Variants in CDC73 observed in about 807,000 individuals in gnomAD.
CDC73 encodes cell division cycle 73, also known as parafibromin.
Under a neutral mutation model 83.7 loss-of-function variants are expected in CDC73, and 21 were observed. The ratio of observed to expected loss-of-function variants is 0.25; its 90% CI spans 0.18 to 0.36. The LOEUF (loss-of-function observed/expected upper bound fraction) is 0.36. CDC73 is among the 10% of genes least tolerant of loss of function. CDC73 has a pLI of 1.00. For missense variants in CDC73, 342 were observed against 653.3 expected (o/e 0.52, Z 5.19); for synonymous variants, 224 against 212.9 (o/e 1.05, Z -0.45).
At chr1:193,185,310 C>T (rs1471847331) in intron 10 of CDC73, among the ~76,000 whole-genome samples, 3 of 151,844 alleles carry the variant, frequency 2.0e-5, no homozygotes, top group African/African-American at 7.3e-5. Context: ...TATTGATGTC[C>T]CTTTGTTTAA....
At chr1:193,239,897 T>C (rs756955499) in intron 15 of CDC73, among the ~76,000 whole-genome samples, 2 of 152,200 alleles carry the variant, frequency 1.3e-5, no homozygotes, top group Non-Finnish European at 2.9e-5. Context: ...GTCCTGCACA[T>C]GTACCCCAGA....
At chr1:193,183,597 G>C (rs1676755829) in intron 10 of CDC73, among the ~76,000 whole-genome samples, 1 of 151,146 alleles carries the variant, frequency 6.6e-6, no homozygotes, top group Admixed American at 6.6e-5. Context: ...CTTTTAAATA[G>C]CTGGCCATTC....
At chr1:193,212,347 T>C (rs752118070) in intron 12 of CDC73, 43 bp from the exon 13 acceptor site, 3 of 1,178,622 alleles carry the variant, frequency 2.5e-6, no homozygotes, top group Non-Finnish European at 3.7e-6. Flanking sequence ...GTAAGTATAA[T>C]TTCTAATAAT....
intron 13 of CDC73, among the ~76,000 whole-genome samples, chr1:193,223,979 T>C (rs1481047704): frequency 6.6e-6 from 1 of 151,984 alleles, no homozygotes; most frequent in East Asian, 1.9e-4. Context: ...TATATTACCT[T>C]AAACATTTAT....
chr1:193,197,464 G>A (rs1280445330), intron 10 of CDC73, among the ~76,000 whole-genome samples: 1 of 152,130 alleles, frequency 6.6e-6, no homozygotes, highest in Non-Finnish European at 1.5e-5. Context: ...TATGCATATT[G>A]CAAGTAACTA....
rs949279879 is a variant in CDC73, at chr1:193,252,317, A to G, written c.*1605A>G. ...CATTAGGCTTTCTTAGCATATAAAT[A>G]TATTTCCAAAATAAATTACATGTTG... On this transcript the variant is annotated 3_prime_UTR_variant, in exon 17 of 17. Transcript: ENST00000367435. The G allele has an allele frequency of 2.2e-5, 5 of 230,240 alleles. No homozygotes were observed. The highest frequency in any genetic ancestry group is 1.7e-4 in the Admixed American group (3 of 17,672). The allele number at this position is 230,240 out of a possible 1,614,324, so 14.3% of individuals were successfully genotyped here.
At chr1:193,155,174 A>G (rs1472684276) in intron 10 of CDC73, among the ~76,000 whole-genome samples, 1 of 152,240 alleles carries the variant, frequency 6.6e-6, no homozygotes, top group Non-Finnish European at 1.5e-5. Flanking sequence ...ATGTTTTGAT[A>G]ATCACATTTC....
chr1:193,207,732 A>G (rs1019766643), intron 11 of CDC73, among the ~76,000 whole-genome samples: 3 of 152,130 alleles, frequency 2.0e-5, no homozygotes, highest in African/African-American at 7.2e-5. Context: ...TTCAAGGTGC[A>G]CTGATTTCAT....
chr1:193,157,003 G>GCAACAA (rs1676218859), intron 10 of CDC73, among the ~76,000 whole-genome samples: 1 of 152,142 alleles, frequency 6.6e-6, no homozygotes, highest in Admixed American at 6.5e-5. Flanking sequence ...GGTACGTTGT[G>GCAACAA]CAACAAGAGC....
At chr1:193,161,664 TATCTATCATATA>T (rs1676315640) in intron 10 of CDC73, among the ~76,000 whole-genome samples, 1 of 43,306 alleles carries the variant, frequency 2.3e-5, no homozygotes, top group Non-Finnish European at 4.2e-5. Context: ...ATATATTATA[TATCTATCATATA>T]ATATATATAA....
intron 3 of CDC73, among the ~76,000 whole-genome samples, chr1:193,131,892 T>A (rs1405664125): frequency 2.0e-5 from 3 of 152,212 alleles, no homozygotes; most frequent in African/African-American, 7.2e-5. Context: ...CATCCTGATT[T>A]ATTTTTCACC....
chr1:193,211,959 T>C (rs1293724952), intron 11 of CDC73, 106 bp from the exon 12 acceptor site: 3 of 815,812 alleles, frequency 3.7e-6, no homozygotes, highest in Non-Finnish European at 6.2e-6. Flanking sequence ...TTACAGTTAG[T>C]CATATGGGAA....
intron 11 of CDC73, 69 bp downstream of exon 11, chr1:193,203,921 G>A (rs111557425): frequency 2.2e-4 from 274 of 1,246,816 alleles, no homozygotes; most frequent in Middle Eastern, 3.7e-4. Context: ...TTTAGTATGC[G>A]TATAATGCTT....
rs1675509960 is a variant in CDC73 at position 193,123,683 on chromosome 1, T to TA, written c.131+1353dup. Among the ~76,000 whole-genome samples the TA allele has an allele frequency of 2.0e-5, 3 of 152,142 alleles. No homozygotes were observed. The South Asian group carries it at 6.2e-4, about 32-fold the overall frequency. On this transcript the variant is annotated intron_variant, in intron 1 of 16. Transcript: ENST00000367435. ...GATTTTTAGTGAATTTTTTTTTTTT[T>TA]AGACAATGGCTAAGGAGTACCTAGG...
At chr1:193,181,336 T>A (rs750619305) in intron 10 of CDC73, 6 of 1,614,080 alleles carry the variant, frequency 3.7e-6, no homozygotes, top group Non-Finnish European at 5.1e-6. Flanking sequence ...AAGGGAGCTG[T>A]GGTTTGTCTC....
chr1:193,244,416 A>G (rs1343088586), intron 15 of CDC73, among the ~76,000 whole-genome samples: 3 of 152,182 alleles, frequency 2.0e-5, no homozygotes, highest in East Asian at 3.9e-4. Context: ...GCTATTGCCT[A>G]CAAAGAAAGT....
chr1:193,238,776 TAAGA>T (rs1264192235), intron 15 of CDC73, among the ~76,000 whole-genome samples: 2 of 152,190 alleles, frequency 1.3e-5, no homozygotes, highest in Non-Finnish European at 2.9e-5. Context: ...AAGAAAATCG[TAAGA>T]AAGAGAAAAT....
At chr1:193,130,353 C>T (rs1675673488) in intron 3 of CDC73, 110 bp downstream of exon 3, 2 of 779,856 alleles carry the variant, frequency 2.6e-6, no homozygotes, top group Admixed American at 3.8e-5. Flanking sequence ...AAAAATTAAC[C>T]TACCTTCATT....
chr1:193,251,418 T>G lies in CDC73; in HGVS notation c.*706T>G, dbSNP rs1001411513. ...TTGAAAAAAATCTCAAAACACAGAT[T>G]AAAACCACAATAGGCTGTAGTATTT... is the stretch of plus-strand genomic sequence containing the variant. On this transcript the variant is annotated 3_prime_UTR_variant, in exon 17 of 17. Transcript: ENST00000367435. 1 of 232,114 alleles carries G rather than the reference T, an allele frequency of 4.3e-6. No individual in the cohort carries two copies. Among genetic ancestry groups the G allele is most frequent in the Non-Finnish European group, 8.5e-6 (1 of 117,020 alleles). 14.4% of individuals were successfully genotyped at this position (232,114 alleles called of 1,614,324 possible).
Sources: allele counts gnomAD v4.1 joint callset (sites outside exome capture counted in the v4.1 genomes callset), GRCh38; gene constraint gnomAD v4.1.1; transcripts MANE v1.5; gene names NCBI Gene and HGNC (gene_info 2026-07-23, HGNC 2026-07-21).